Variants in CSMD1 observed in about 807,000 individuals in gnomAD.
The protein encoded by CSMD1 is CUB and Sushi multiple domains 1, also known as CUB and sushi domain-containing protein 1.
CSMD1 carries 213 observed loss-of-function variants against 417.5 expected under a neutral mutation model. The ratio of observed to expected loss-of-function variants is 0.51; its 90% CI spans 0.46 to 0.57. CSMD1 has a LOEUF of 0.57. CSMD1 is among the 20% of genes least tolerant of loss of function. The probability of loss-of-function intolerance (pLI) is 0.00; values close to 1 mark genes in which losing one functional copy is unlikely to be tolerated. For missense variants in CSMD1, 6,923 were observed against 4,529.7 expected (o/e 1.53, Z -15.17); for synonymous variants, 2,862 against 1,736.8 (o/e 1.65, Z -16.11).
intron 3 of CSMD1, among the ~76,000 whole-genome samples, chr8:4,270,361 C>T (rs761762922): frequency 2.0e-5 from 3 of 152,164 alleles, no homozygotes; most frequent in Non-Finnish European, 4.4e-5. Context: ...TCCACTTCAT[C>T]TCCTGTTCTC....
chr8:4,190,476 T>C (rs548038071), intron 3 of CSMD1, among the ~76,000 whole-genome samples: 38 of 152,106 alleles, frequency 2.5e-4, no homozygotes, highest in African/African-American at 8.7e-4. Flanking sequence ...TTAGAGTATT[T>C]CGTAAGTTAA....
At chr8:4,203,283 A>G (rs1056268636) in intron 3 of CSMD1, among the ~76,000 whole-genome samples, 1 of 152,140 alleles carries the variant, frequency 6.6e-6, no homozygotes, top group African/African-American at 2.4e-5. Flanking sequence ...CTCCTTCAGA[A>G]AAGAACACAG....
At chr8:4,269,737 C>G (rs1349101838) in intron 3 of CSMD1, among the ~76,000 whole-genome samples, 1 of 152,098 alleles carries the variant, frequency 6.6e-6, no homozygotes, top group East Asian at 1.9e-4. Context: ...TATTTACATT[C>G]TACTTAAAAC....
intron 11 of CSMD1, among the ~76,000 whole-genome samples, chr8:3,478,292 C>G (rs1817541945): frequency 6.6e-6 from 1 of 152,260 alleles, no homozygotes; most frequent in African/African-American, 2.4e-5. Context: ...ATCCAAACCT[C>G]TTGATCTTGC....
intron 3 of CSMD1, among the ~76,000 whole-genome samples, chr8:4,372,491 C>CAAA (rs141342544): frequency 0.056 from 8,416 of 151,490 alleles, 289 homozygotes; most frequent in South Asian, 0.089. Flanking sequence ...AAAACAACAA[C>CAAA]AACAAAAAAC....
At chr8:4,206,038 G>A (rs1252119943) in intron 3 of CSMD1, among the ~76,000 whole-genome samples, 2 of 151,956 alleles carry the variant, frequency 1.3e-5, no homozygotes, top group East Asian at 1.9e-4. Flanking sequence ...CCCCATCCAT[G>A]CCATAAATCT....
chr8:4,413,816 G>A (rs756879358), intron 3 of CSMD1, among the ~76,000 whole-genome samples: 1 of 152,120 alleles, frequency 6.6e-6, no homozygotes, highest in African/African-American at 2.4e-5. Context: ...AGATAACTAA[G>A]GTGAGGACCC....
chr8:4,981,327 G>T (rs900552131), intron 1 of CSMD1, among the ~76,000 whole-genome samples: 1 of 152,192 alleles, frequency 6.6e-6, no homozygotes, highest in South Asian at 2.1e-4. Flanking sequence ...TACTGGAGCA[G>T]GATGTATTAA....
chr8:4,805,433 C>A (rs1360563420), intron 1 of CSMD1, among the ~76,000 whole-genome samples: 1 of 152,110 alleles, frequency 6.6e-6, no homozygotes, highest in Non-Finnish European at 1.5e-5. Flanking sequence ...TCCTTGCCTA[C>A]TACAGCCAGG....
intron 5 of CSMD1, among the ~76,000 whole-genome samples, chr8:3,898,162 G>A (rs967226183): frequency 2.0e-5 from 3 of 152,070 alleles, no homozygotes; most frequent in Non-Finnish European, 4.4e-5. Context: ...TCAACTATAA[G>A]CCATCAATCC....
chr8:3,435,945 G>T (rs544148170), intron 12 of CSMD1, among the ~76,000 whole-genome samples: 4 of 152,204 alleles, frequency 2.6e-5, no homozygotes, highest in African/African-American at 9.7e-5. Flanking sequence ...CAATTAACCA[G>T]ATGCAATCCA....
chr8:4,330,831 G>A (rs1232456370), intron 3 of CSMD1, among the ~76,000 whole-genome samples: 1 of 152,032 alleles, frequency 6.6e-6, no homozygotes, highest in African/African-American at 2.4e-5. Context: ...TGCACATGCA[G>A]CTCATATCCC....
rs1203110676 is a variant in CSMD1, at chr8:3,230,196, G to T, written c.4189C>A (p.Pro1397Thr). The T allele has an allele frequency of 1.9e-6, 3 of 1,609,302 alleles. No individual in the cohort carries two copies. Among genetic ancestry groups the T allele is most frequent in the East Asian group, 4.5e-5 (2 of 44,704 alleles). The change falls in exon 27 of 70, where the codon CCC becomes ACC. Residue 1397 changes from proline to threonine, a missense_variant. By Grantham distance (38) the Pro-to-Thr change is conservative. Transcript: ENST00000635120. ...TCTCCATAGCGGGTGCCATTTTGGG[G>T]CATACCTGGATCGTTACAGGTGGCT... is the stretch of plus-strand genomic sequence containing the variant. ...IAATCNDPGM[P>T]QNGTRYGDSR...
chr8:4,210,045 G>A (rs200614091), intron 3 of CSMD1, among the ~76,000 whole-genome samples: 54 of 152,268 alleles, frequency 3.5e-4, no homozygotes, highest in East Asian at 3.3e-3. Context: ...CAGTGTCTAA[G>A]CCCTGCTTCC....
At chr8:4,252,184 T>C (rs1006202553) in intron 3 of CSMD1, among the ~76,000 whole-genome samples, 1 of 151,988 alleles carries the variant, frequency 6.6e-6, no homozygotes, top group Non-Finnish European at 1.5e-5. Context: ...GGTGGGGAGA[T>C]GGATAAAAAA....
At chr8:4,742,678 G>A (rs1293145479) in intron 1 of CSMD1, among the ~76,000 whole-genome samples, 1 of 152,114 alleles carries the variant, frequency 6.6e-6, no homozygotes, top group Non-Finnish European at 1.5e-5. Context: ...GCATTTTTCA[G>A]TGTTGACAAT....
rs538513012 is a variant in CSMD1, at chr8:3,686,386, G to A, written c.1009+22028C>T. On this transcript the variant is annotated intron_variant, in intron 7 of 69. Transcript: ENST00000635120. ...TAGGATAGGGAGGTGCCGCCACACT[G>A]ACGATGAGAGTTGCATCCTGCGTGA... Among the ~76,000 whole-genome samples, 3 of 152,256 alleles carry A rather than the reference G, an allele frequency of 2.0e-5. No individual in the cohort carries two copies. In the South Asian group the frequency reaches 6.2e-4, roughly 32 times the overall value.
At chr8:3,876,669 G>C (rs1289482646) in intron 5 of CSMD1, among the ~76,000 whole-genome samples, 1 of 152,130 alleles carries the variant, frequency 6.6e-6, no homozygotes, top group Non-Finnish European at 1.5e-5. Flanking sequence ...AAGTGCAGTG[G>C]TGCTATCAGT....
intron 7 of CSMD1, among the ~76,000 whole-genome samples, chr8:3,672,212 C>A (rs1489640433): frequency 6.6e-6 from 1 of 152,080 alleles, no homozygotes; most frequent in Non-Finnish European, 1.5e-5. Context: ...CTGAGTATGG[C>A]CTGATTTGTT....
Sources: gnomAD v4.1 joint callset for allele counts (sites outside exome capture counted in the v4.1 genomes callset) on GRCh38, gnomAD v4.1.1 for gene constraint, MANE v1.5 for transcripts, NCBI Gene and HGNC (gene_info 2026-07-23, HGNC 2026-07-21) for gene names.